The following PLEKHG4B variants were observed in gnomAD, a reference collection of about 807,000 sequenced individuals.
The protein encoded by PLEKHG4B is pleckstrin homology domain-containing family G member 4B.
In PLEKHG4B, 111 loss-of-function variants were observed where a neutral mutation model predicts 121.3. The observed-to-expected ratio is 0.92, with a 90% CI of 0.78 to 1.07. The LOEUF is 1.07. Among genes scored for constraint, PLEKHG4B ranks in the 50% least tolerant of loss-of-function variants. The probability of loss-of-function intolerance (pLI) is 0.00; values close to 1 mark genes in which losing one functional copy is unlikely to be tolerated. For synonymous variants in PLEKHG4B, 738 were observed against 725.0 expected (o/e 1.02, Z -0.29); for missense variants, 1,831 against 1,757.8 (o/e 1.04, Z -0.74).
intron 3 of PLEKHG4B, 148 bp from the exon 4 acceptor site, chr5:142,899 T>G (rs1473764147): frequency 3.9e-6 from 3 of 770,144 alleles, no homozygotes; most frequent in Non-Finnish European, 6.6e-6. Context: ...ATGCTTTCAC[T>G]TCCCGTGTGA....
intron 2 of PLEKHG4B, among the ~76,000 whole-genome samples, chr5:123,689 T>C (rs1335661172): frequency 6.6e-6 from 1 of 152,182 alleles, no homozygotes; most frequent in Non-Finnish European, 1.5e-5. Context: ...TTTATTTCTG[T>C]AGAATCAGTA....
chr5:174,179 A>C, intron 18 of PLEKHG4B, 81 bp downstream of exon 18: 2 of 687,304 alleles, frequency 2.9e-6, no homozygotes, highest in South Asian at 3.0e-5. Flanking sequence ...CTGGGGTGAG[A>C]GCCAGGGGCT....
At chr5:147,049 C>T (rs1350109998) in intron 6 of PLEKHG4B, among the ~76,000 whole-genome samples, 3 of 152,142 alleles carry the variant, frequency 2.0e-5, no homozygotes, top group African/African-American at 7.2e-5. Context: ...GTGGCTGGGC[C>T]AGCAGAAATT....
At chr5:143,584 A>G (rs1050838654) in intron 5 of PLEKHG4B, 81 bp downstream of exon 5, 129 of 1,546,944 alleles carry the variant, frequency 8.3e-5, no homozygotes, top group Non-Finnish European at 1.1e-4. Flanking sequence ...GGGCACGGGG[A>G]GGTGCCAGCT....
At chr5:158,491 T>TG (rs1329428042) in intron 11 of PLEKHG4B, among the ~76,000 whole-genome samples, 2 of 139,618 alleles carry the variant, frequency 1.4e-5, no homozygotes, top group Non-Finnish European at 3.1e-5. Context: ...CTGCCTATTC[T>TG]GGGGGTCTCC....
At chr5:154,760 C>T (rs1276000676) in intron 7 of PLEKHG4B, 115 bp from the exon 8 acceptor site, 4 of 773,004 alleles carry the variant, frequency 5.2e-6, no homozygotes, top group Non-Finnish European at 9.0e-6. Context: ...AAAGCAGGGG[C>T]GATACTCCTT....
intron 2 of PLEKHG4B, among the ~76,000 whole-genome samples, chr5:127,058 T>C (rs1734639061): frequency 6.6e-6 from 1 of 152,150 alleles, no homozygotes; most frequent in South Asian, 2.1e-4. Flanking sequence ...TTACTATACA[T>C]GTGGCTGGCA....
intron 6 of PLEKHG4B, among the ~76,000 whole-genome samples, chr5:145,495 G>A (rs1211682704): frequency 1.3e-5 from 2 of 152,226 alleles, no homozygotes; most frequent in African/African-American, 4.8e-5. Flanking sequence ...AGAGTAGCTA[G>A]GACTACAGGC....
At position 157,625 on chromosome 5, in the gene PLEKHG4B, T is replaced by C. The variant is rs546420691; in HGVS notation, c.2487+714T>C. ...AGCTCGGGGGGCACCAGCGAAATGA[T>C]TGCTTAGCTCAGGGGTGCAGATGAT... On this transcript the variant is annotated intron_variant, in intron 11 of 19. Coordinates refer to ENST00000637938, the MANE Select transcript of PLEKHG4B (RefSeq NM_052909.5). The surrounding 1 kb of genome is among the most constrained non-coding windows in gnomAD (Gnocchi z 4.6). 7.2e-5 allele frequency among the ~76,000 whole-genome samples: 11 copies of C among 152,244 alleles called. No homozygotes were observed. Among genetic ancestry groups the C allele is most frequent in the Non-Finnish European group, 1.6e-4 (11 of 68,002 alleles).
Position 144,808 on chromosome 5 carries a change from G to A in PLEKHG4B, c.1812-19G>A, listed in dbSNP as rs1267200949. The A allele has an allele frequency of 9.3e-6, 15 of 1,605,602 alleles. No individual in the cohort carries two copies. The highest frequency in any genetic ancestry group is 1.7e-5 in the Admixed American group (1 of 59,876). ...ATTTAACCTTCAGTGGTTAAGATGGGCTGTCTTTCCCTCCCCAGGAAAGAG... is the reference window on the plus strand; with the variant it reads ...ATTTAACCTTCAGTGGTTAAGATGGACTGTCTTTCCCTCCCCAGGAAAGAG... On this transcript the variant is annotated intron_variant, in intron 5 of 19. Coordinates refer to ENST00000637938, the MANE Select transcript of PLEKHG4B (RefSeq NM_052909.5).
chr5:137,717 C>T lies in PLEKHG4B; in HGVS notation c.244-1766C>T, dbSNP rs996717688. Reference sequence around the variant, plus strand: ...GTCACAACGATTTTTTCAACAGTCACTTGTGCATTTTACGTCAAATCACCA... The same window carrying T: ...GTCACAACGATTTTTTCAACAGTCATTTGTGCATTTTACGTCAAATCACCA... On this transcript the variant is annotated intron_variant, in intron 2 of 19. Coordinates refer to ENST00000637938, the MANE Select transcript of PLEKHG4B (RefSeq NM_052909.5). This position sits in a 1 kb window ranked among gnomAD's most constrained non-coding sequence, Gnocchi z 4.2. Among the ~76,000 whole-genome samples, 5 of 152,218 alleles carry T rather than the reference C, an allele frequency of 3.3e-5. No individual in the cohort carries two copies. The highest frequency in any genetic ancestry group is 7.3e-5 in the Non-Finnish European group (5 of 68,040).
At position 139,573 on chromosome 5, in the gene PLEKHG4B, G is replaced by A. The variant is rs1735087316; in HGVS notation, c.334G>A (p.Val112Ile). The change falls in exon 3 of 20, where the codon GTC becomes ATC. Residue 112 changes from valine (V) to isoleucine (I), a missense_variant. Coordinates refer to ENST00000637938, the MANE Select transcript of PLEKHG4B (RefSeq NM_052909.5). The surrounding 1 kb of genome is among the most constrained non-coding windows in gnomAD (Gnocchi z 5.0). ...VVVQLASLHGVRLQPGDFYLQ... is the reference protein window; with the variant it reads ...VVVQLASLHGIRLQPGDFYLQ... The stretch of plus-strand genomic sequence containing the variant: ...GGTGCAGCTGGCGTCCCTGCACGGA[G>A]TCAGGCTCCAGCCCGGGGACTTCTA... The A allele has an allele frequency of 5.0e-6, 2 of 398,902 alleles. No homozygotes were observed. Among genetic ancestry groups the A allele is most frequent in the Non-Finnish European group, 8.8e-6 (2 of 226,168 alleles). The allele number at this position is 398,902 out of a possible 1,614,324, so 24.7% of individuals were successfully genotyped here. A position where few individuals can be genotyped will look rare whatever the true frequency, so the allele number is the denominator to read the frequency against.
intron 13 of PLEKHG4B, 70 bp downstream of exon 13, chr5:163,618 C>T (rs1320488898): frequency 5.5e-6 from 7 of 1,272,752 alleles, no homozygotes; most frequent in Non-Finnish European, 6.3e-6. Context: ...GCCATTTAGG[C>T]AGTAAACTCT....
chr5:143,247 A>AT lies in PLEKHG4B; in HGVS notation c.1678_1679insT (p.Thr560IlefsTer32), dbSNP rs1339623494. 6.2e-7 allele frequency: 1 copy of AT among 1,609,992 alleles called. No homozygotes were observed. Among genetic ancestry groups the AT allele is most frequent in the South Asian group, 1.1e-5 (1 of 91,062 alleles). On this transcript the variant is annotated frameshift_variant, in exon 4 of 20. Transcript: ENST00000637938. LOFTEE classifies it high-confidence loss of function. The stretch of plus-strand genomic sequence containing the variant: ...GGAGCTGCTGCAGTCCGGGGTCGTC[A>AT]CCCTCCCAGGTGAGAGCACATGCCA...
rs761248043 is a variant in PLEKHG4B, at chr5:173,987, C to A, written c.4291C>A (p.Arg1431=). Residue 1431 remains arginine (R), a synonymous_variant, in exon 18 of 20, where the codon CGG becomes AGG. Coordinates refer to ENST00000637938, the MANE Select transcript of PLEKHG4B (RefSeq NM_052909.5). ...GAGGTTTGAGATTTGGTTTCGCAGG[C>A]GGCGGAAATCTCAGGACACCTACAT... ...GLRFEIWFRR[R]RKSQDTYILQ... The A allele has an allele frequency of 1.9e-4, 303 of 1,611,934 alleles. No homozygotes were observed. Among genetic ancestry groups the A allele is most frequent in the Non-Finnish European group, 2.5e-4 (294 of 1,179,450 alleles).
Position 156,535 on chromosome 5 carries a change from G to A in PLEKHG4B, c.2349-238G>A, listed in dbSNP as rs1008425040. On this transcript the variant is annotated intron_variant, in intron 10 of 19. Transcript: ENST00000637938. This position sits in a 1 kb window ranked among gnomAD's most constrained non-coding sequence, Gnocchi z 4.4. ...ATCTCAGCTGCACACAGCCAGTCCC[G>A]CCTAAGCTGCCCCACCTGGGTCCCC... Among the ~76,000 whole-genome samples, 1 of 151,910 alleles carries A rather than the reference G, an allele frequency of 6.6e-6. No individual in the cohort carries two copies.
At chr5:145,815 C>T (rs943028280) in intron 6 of PLEKHG4B, among the ~76,000 whole-genome samples, 1 of 152,012 alleles carries the variant, frequency 6.6e-6, no homozygotes, top group Non-Finnish European at 1.5e-5. Flanking sequence ...GGGACGGGGA[C>T]AGAACCAGGG....
rs778876026 is a variant in PLEKHG4B, at chr5:162,901, G to C, written c.2829G>C (p.Leu943=). The C allele has an allele frequency of 1.3e-6, 2 of 1,533,860 alleles. No homozygotes were observed. Among genetic ancestry groups the C allele is most frequent in the African/African-American group, 2.7e-5 (2 of 72,980 alleles). Residue 943 remains leucine (L), a synonymous_variant, in exon 13 of 20, where the codon CTG becomes CTC. Transcript: ENST00000637938. ...LGKPWASQQD[L]WLQYPQTRLR... ...AACCGTGGGCATCACAGCAAGACCT[G>C]TGGCTGCAGTACCCCCAGACCCGGC...
chr5:162,918 A>G lies in PLEKHG4B; in HGVS notation c.2846A>G (p.Gln949Arg), dbSNP rs1343080260. Residue 949 changes from glutamine (Q) to arginine (R), a missense_variant, in exon 13 of 20, where the codon CAG (glutamine) becomes CGG (arginine). By Grantham distance (43) the Gln-to-Arg change is conservative (BLOSUM62 1). Coordinates refer to ENST00000637938, the MANE Select transcript of PLEKHG4B (RefSeq NM_052909.5). ...CAAGACCTGTGGCTGCAGTACCCCC[A>G]GACCCGGCTCCGTCTGGAAGAGGCC... The part of the protein sequence containing the change: ...SQQDLWLQYP[Q>R]TRLRLEEALS... 6.5e-7 allele frequency: 1 copy of G among 1,544,154 alleles called. No individual in the cohort carries two copies. The highest frequency in any genetic ancestry group is 2.0e-5 in the Admixed American group (1 of 50,932).
Sources: gnomAD v4.1 joint callset for allele counts (sites outside exome capture counted in the v4.1 genomes callset) on GRCh38, gnomAD v4.1.1 for gene constraint, Gnocchi (gnomAD v3.1) non-coding constraint, MANE v1.5 for transcripts, NCBI Gene and HGNC (gene_info 2026-07-23, HGNC 2026-07-21) for gene names.